The following ACVR2A variants were observed in gnomAD, a reference collection of about 807,000 sequenced individuals.
ACVR2A encodes activin receptor type-2A.
Under a neutral mutation model 61.4 loss-of-function variants are expected in ACVR2A, and 7 were observed. The ratio of observed to expected loss-of-function variants is 0.11; its 90% confidence interval spans 0.06 to 0.21. The LOEUF is 0.21. Ranked by LOEUF, ACVR2A falls within the 10% of genes least tolerant of loss-of-function variation. The pLI is 1.00. For synonymous variants in ACVR2A, 193 were observed against 208.3 expected (o/e 0.93, Z 0.63); for missense variants, 322 against 621.7 (o/e 0.52, Z 5.13).
intron 5 of ACVR2A, among the ~76,000 whole-genome samples, chr2:147,916,007 G>A (rs1478142109): frequency 2.0e-5 from 3 of 151,820 alleles, no homozygotes; most frequent in Non-Finnish European, 4.4e-5. Flanking sequence ...CCTTGGTACT[G>A]ACGTCTTGGC....
chr2:147,877,040 G>A (rs1573669612), intron 1 of ACVR2A, among the ~76,000 whole-genome samples: 1 of 68,820 alleles, frequency 1.5e-5, no homozygotes, highest in African/African-American at 5.0e-5. Context: ...TCTTCTACAC[G>A]TCTTGATCGC....
At chr2:147,878,432 A>G (rs963917732) in intron 1 of ACVR2A, among the ~76,000 whole-genome samples, 3 of 151,168 alleles carry the variant, frequency 2.0e-5, no homozygotes. Flanking sequence ...ACTTTTACAA[A>G]TAAGACTTTT....
intron 1 of ACVR2A, among the ~76,000 whole-genome samples, chr2:147,855,579 C>T (rs1220847626): frequency 6.6e-6 from 1 of 152,040 alleles, no homozygotes; most frequent in Non-Finnish European, 1.5e-5. Context: ...CTCCTAGATC[C>T]CTTCCAGCTT....
At chr2:147,848,674 G>C (rs145399059) in intron 1 of ACVR2A, among the ~76,000 whole-genome samples, 6,459 of 152,224 alleles carry the variant, frequency 0.042, 218 homozygotes, top group Middle Eastern at 0.15. Context: ...GAGGGTGGGA[G>C]GAGGTAGATG....
intron 5 of ACVR2A, among the ~76,000 whole-genome samples, chr2:147,916,800 C>T (rs1380350929): frequency 1.3e-5 from 2 of 151,930 alleles, no homozygotes; most frequent in Non-Finnish European, 2.9e-5. Flanking sequence ...CTTGCTTTCT[C>T]ATAGACCTTG....
At chr2:147,906,871 A>G (rs1012090394) in intron 4 of ACVR2A, among the ~76,000 whole-genome samples, 5 of 146,216 alleles carry the variant, frequency 3.4e-5, no homozygotes, top group Non-Finnish European at 7.4e-5. Flanking sequence ...TGTGCAGAAC[A>G]TGCAGGTTTG....
chr2:147,893,910 C>T (rs187728559), intron 1 of ACVR2A, among the ~76,000 whole-genome samples: 2 of 152,152 alleles, frequency 1.3e-5, no homozygotes, highest in Admixed American at 6.5e-5. Context: ...TTTTGTAGGT[C>T]ATATGTGTTG....
intron 1 of ACVR2A, among the ~76,000 whole-genome samples, chr2:147,852,178 T>G (rs1685466908): frequency 6.6e-6 from 1 of 152,108 alleles, no homozygotes; most frequent in Non-Finnish European, 1.5e-5. Context: ...CTTTTTTGAC[T>G]GTAATACACA....
chr2:147,927,398 A>T lies in ACVR2A; in HGVS notation c.*124A>T, dbSNP rs1687529460. 3.1e-6 allele frequency: 3 copies of T among 960,054 alleles called. No individual in the cohort carries two copies. Among genetic ancestry groups the T allele is most frequent in the Non-Finnish European group, 4.5e-6 (3 of 672,840 alleles). 59.5% of individuals were successfully genotyped at this position (960,054 alleles called of 1,614,324 possible). On this transcript the variant is annotated 3_prime_UTR_variant, in exon 11 of 11. Transcript: ENST00000241416. ...GGATGTCTCTTGGAAATGTTAAGAA[A>T]GAAGACCCTTTGTTGAAAAATGTTG...
At chr2:147,925,839 C>T in intron 9 of ACVR2A, 192 bp from the exon 10 acceptor site, 1 of 512,148 alleles carries the variant, frequency 2.0e-6, no homozygotes, top group Admixed American at 3.6e-5. Flanking sequence ...AATTATAGGC[C>T]TTTTCATTTC....
At chr2:147,889,898 A>G (rs921849131) in intron 1 of ACVR2A, among the ~76,000 whole-genome samples, 5 of 151,592 alleles carry the variant, frequency 3.3e-5, no homozygotes, top group Non-Finnish European at 7.4e-5. Flanking sequence ...ATATAGAACT[A>G]TTATATAAAT....
At chr2:147,883,824 T>A (rs1686368791) in intron 1 of ACVR2A, among the ~76,000 whole-genome samples, 1 of 152,166 alleles carries the variant, frequency 6.6e-6, no homozygotes. Context: ...ATTTTTGTTT[T>A]TCAAATTTCT....
At chr2:147,851,912 T>A (rs889313733) in intron 1 of ACVR2A, among the ~76,000 whole-genome samples, 2 of 152,104 alleles carry the variant, frequency 1.3e-5, no homozygotes, top group Admixed American at 6.6e-5. Context: ...ACGGTTGTCC[T>A]CTTAATGTAT....
intron 4 of ACVR2A, among the ~76,000 whole-genome samples, chr2:147,906,040 A>G (rs1476357066): frequency 6.6e-6 from 1 of 152,140 alleles, no homozygotes; most frequent in Non-Finnish European, 1.5e-5. Context: ...CATATGGACC[A>G]GACTATATAA....
intron 1 of ACVR2A, among the ~76,000 whole-genome samples, chr2:147,880,040 A>C (rs1686259611): frequency 6.6e-6 from 1 of 152,088 alleles, no homozygotes; most frequent in African/African-American, 2.4e-5. Flanking sequence ...TTATTGTTTT[A>C]CTGATTAAGA....
At chr2:147,845,718 T>C (rs1468037024) in intron 1 of ACVR2A, among the ~76,000 whole-genome samples, 1 of 152,196 alleles carries the variant, frequency 6.6e-6, no homozygotes, top group Non-Finnish European at 1.5e-5. Context: ...AGCAATTTAA[T>C]CTGGGTCTCC....
At position 147,845,125 on chromosome 2, in the gene ACVR2A, C is replaced by T. The variant is rs1484057458; in HGVS notation, c.-28C>T. On this transcript the variant is annotated 5_prime_UTR_variant, in exon 1 of 11. Coordinates refer to ENST00000241416, the MANE Select transcript of ACVR2A (RefSeq NM_001616.5). ...GGAACTGGATATCTAGCGAGAACTT[C>T]CTCCGGATTCCCCGGCGCCTCGGGA... 1.9e-6 allele frequency: 3 copies of T among 1,603,854 alleles called. No individual in the cohort carries two copies. Among genetic ancestry groups the T allele is most frequent in the Non-Finnish European group, 1.7e-6 (2 of 1,175,030 alleles).
intron 1 of ACVR2A, among the ~76,000 whole-genome samples, chr2:147,863,853 G>A (rs1685788074): frequency 6.6e-6 from 1 of 152,124 alleles, no homozygotes; most frequent in Admixed American, 6.5e-5. Flanking sequence ...ATCAGAACTA[G>A]GTCAGAATTC....
At chr2:147,874,902 T>C (rs1686116733) in intron 1 of ACVR2A, among the ~76,000 whole-genome samples, 3 of 152,010 alleles carry the variant, frequency 2.0e-5, no homozygotes, top group Admixed American at 2.0e-4. Flanking sequence ...TTGTAACATC[T>C]AAAGGGCAGT....
Sources: gnomAD v4.1 joint callset for allele counts (sites outside exome capture counted in the v4.1 genomes callset) on GRCh38, gnomAD v4.1.1 for gene constraint, MANE v1.5 for transcripts, NCBI Gene and HGNC (gene_info 2026-07-23, HGNC 2026-07-21) for gene names.